VWCE: variants seen among roughly 807,000 people sequenced by gnomAD.
VWCE encodes the protein von Willebrand factor C and EGF domain-containing protein.
In VWCE, 68 loss-of-function variants were observed where a neutral mutation model predicts 102.9. That is an observed-to-expected ratio of 0.66 (90% CI 0.54 to 0.81). The LOEUF (loss-of-function observed/expected upper bound fraction) is 0.81. VWCE is among the 30% of genes least tolerant of loss of function. VWCE has a pLI of 0.00. For synonymous variants in VWCE, 497 were observed against 515.4 expected (o/e 0.96, Z 0.48); for missense variants, 1,137 against 1,263.6 (o/e 0.90, Z 1.52).
chr11:61,277,300 G>C (rs1326979005), intron 10 of VWCE, among the ~76,000 whole-genome samples: 1 of 152,000 alleles, frequency 6.6e-6, no homozygotes, highest in Admixed American at 6.6e-5. Context: ...TTTGATGCCA[G>C]AGCAAGAGAC....
At position 61,294,177 on chromosome 11, in the gene VWCE, G is replaced by A. The variant is rs909928359; in HGVS notation, c.110+751C>T. 1.1e-4 allele frequency among the ~76,000 whole-genome samples: 17 copies of A among 152,288 alleles called. No homozygotes were observed. The highest frequency in any genetic ancestry group is 4.1e-4 in the African/African-American group (17 of 41,570). On this transcript the variant is annotated intron_variant, in intron 1 of 19. Coordinates refer to ENST00000335613, the MANE Select transcript of VWCE (RefSeq NM_152718.2). The surrounding 1 kb of genome is among the most constrained non-coding windows in gnomAD (Gnocchi z 6.3). ...GGTGGTGGGAGCCTGTGGAACGCCGGGGAGTCGGGGCAGGTTCTGAGCAGG... is the reference window on the plus strand; with the variant it reads ...GGTGGTGGGAGCCTGTGGAACGCCGAGGAGTCGGGGCAGGTTCTGAGCAGG...
intron 7 of VWCE, 103 bp downstream of exon 7, chr11:61,281,683 C>T: frequency 1.6e-6 from 2 of 1,268,982 alleles, no homozygotes; most frequent in Middle Eastern, 2.9e-4. Context: ...GGCTGGGCGC[C>T]GGGAGGGCGT....
rs573625538 is a variant in VWCE, at chr11:61,286,820, G to A, written c.425-390C>T. ...CCATCTCAGGAAAAAAAAGAAGGCC[G>A]GGCGCGGTGGCTCACGCCTGTAATC... On this transcript the variant is annotated intron_variant, in intron 4 of 19. Coordinates refer to ENST00000335613, the MANE Select transcript of VWCE (RefSeq NM_152718.2). Among the ~76,000 whole-genome samples the A allele has an allele frequency of 2.3e-4, 34 of 149,100 alleles. No individual in the cohort carries two copies. The South Asian group carries it at 6.4e-3, about 28-fold the overall frequency.
At chr11:61,281,598 G>T (rs1024443164) in intron 7 of VWCE, among the ~76,000 whole-genome samples, 188 bp downstream of exon 7, 1 of 152,208 alleles carries the variant, frequency 6.6e-6, no homozygotes, top group Non-Finnish European at 1.5e-5. Flanking sequence ...CTCAAAACAA[G>T]GGCAGAGCAG....
intron 1 of VWCE, among the ~76,000 whole-genome samples, chr11:61,293,619 GA>G (rs1855582924): frequency 1.3e-5 from 2 of 152,120 alleles, no homozygotes; most frequent in South Asian, 4.1e-4. Context: ...AAAGGGACAA[GA>G]AACCCCTTCC....
In VWCE at chr11:61,286,460, A is replaced by G. The variant is rs1212325234; in HGVS notation, c.425-30T>C. On this transcript the variant is annotated intron_variant, in intron 4 of 19. Coordinates refer to ENST00000335613, the MANE Select transcript of VWCE (RefSeq NM_152718.2). ...AAAGACAGAAAGCACGTGTTTACAC[A>G]GTGGTCCTCGCAAGAGGAACTTACA... is the stretch of plus-strand genomic sequence containing the variant. The G allele has an allele frequency of 4.4e-6, 7 of 1,595,314 alleles. No homozygotes were observed. In the East Asian group the frequency reaches 1.6e-4, roughly 36 times the overall value.
chr11:61,266,279 C>A (rs1332719461), intron 16 of VWCE, among the ~76,000 whole-genome samples: 5 of 152,120 alleles, frequency 3.3e-5, no homozygotes, highest in Admixed American at 6.5e-5. Context: ...GTGGCTCATG[C>A]CTGTAATCCC....
At position 61,259,610 on chromosome 11, in the gene VWCE, GGA is replaced by G. The variant is rs1187518631; in HGVS notation, c.2231-300_2231-299del. Among the ~76,000 whole-genome samples, 5 of 152,148 alleles carry G rather than the reference GGA, an allele frequency of 3.3e-5. No homozygotes were observed. The East Asian group carries it at 9.6e-4, about 29-fold the overall frequency. On this transcript the variant is annotated intron_variant, in intron 19 of 19. Coordinates refer to ENST00000335613, the MANE Select transcript of VWCE (RefSeq NM_152718.2). The stretch of plus-strand genomic sequence containing the variant: ...ACTGAGTGTGAATGAAAGGGTGCAC[GGA>G]GAGTCTCAGCCTAAACCTCAATGTG...
chr11:61,279,318 C>A (rs1368854393), intron 9 of VWCE, among the ~76,000 whole-genome samples: 2 of 152,090 alleles, frequency 1.3e-5, no homozygotes, highest in Non-Finnish European at 2.9e-5. Context: ...GCCTGTCATC[C>A]CAACACTTTG....
chr11:61,280,924 T>G lies in VWCE; in HGVS notation c.1099A>C (p.Thr367Pro), dbSNP rs1453012134. ...TCAGGGCCCCTGGGTGAGGAAGGGG[T>G]CCCCATCACCTCCCCCTGAAGGAGT... The part of the protein sequence containing the change: ...PSLLQGEVMG[T>P]PSSPRGPESP... The change falls in exon 8 of 20, where the codon ACC (threonine) becomes CCC (proline). Residue 367 changes from threonine (T) to proline (P), a missense_variant. By Grantham distance (38) the Thr-to-Pro change is conservative. Coordinates refer to ENST00000335613, the MANE Select transcript of VWCE (RefSeq NM_152718.2). 12 of 1,526,206 alleles carry G rather than the reference T, an allele frequency of 7.9e-6. No homozygotes were observed. The highest frequency in any genetic ancestry group is 9.7e-6 in the Non-Finnish European group (11 of 1,139,370). The allele number at this position is 1,526,206 out of a possible 1,614,324, so 94.5% of individuals were successfully genotyped here. A position where few individuals can be genotyped will look rare whatever the true frequency, so the allele number is the denominator to read the frequency against.
In VWCE at chr11:61,278,490, A is replaced by T; in HGVS notation, c.1325-14T>A. 1 of 1,613,802 alleles carries T rather than the reference A, an allele frequency of 6.2e-7. No individual in the cohort carries two copies. The highest frequency in any genetic ancestry group is 8.5e-7 in the Non-Finnish European group (1 of 1,179,758). The stretch of plus-strand genomic sequence containing the variant: ...TGTGAAAACAGCCTTTGAAGGACAA[A>T]TAGGAGGTAGAGGCATCAGACCTCT... On this transcript the variant is annotated splice_polypyrimidine_tract_variant and intron_variant, in intron 9 of 19. Coordinates refer to ENST00000335613, the MANE Select transcript of VWCE (RefSeq NM_152718.2).
chr11:61,267,585 C>G (rs1365366532), intron 15 of VWCE, 41 bp from the exon 16 acceptor site: 4 of 1,595,998 alleles, frequency 2.5e-6, no homozygotes, highest in Non-Finnish European at 3.4e-6. Context: ...CTGGGAGTGG[C>G]CAGGCACCAG....
rs562484286 is a variant in VWCE at position 61,277,899 on chromosome 11, C to T, written c.1407+495G>A. On this transcript the variant is annotated intron_variant, in intron 10 of 19. Transcript: ENST00000335613. ...TGTCGCCCAGGCTGGAGAGCAGTGG[C>T]GCGATCTCAGCTCACTGCAACGTCA... is the stretch of plus-strand genomic sequence containing the variant. 1.5e-4 allele frequency among the ~76,000 whole-genome samples: 23 copies of T among 152,092 alleles called. No individual in the cohort carries two copies. In the South Asian group the frequency reaches 4.0e-3, roughly 26 times the overall value.
chr11:61,281,881 C>A lies in VWCE; in HGVS notation c.692G>T (p.Arg231Leu). Residue 231 changes from arginine to leucine, a missense_variant, in exon 7 of 20, where the codon CGA (arginine) becomes CTA (leucine). By Grantham distance (102) the Arg-to-Leu change is moderately radical. Coordinates refer to ENST00000335613, the MANE Select transcript of VWCE (RefSeq NM_152718.2). ...VNECRRPLER[R>L]VCHHSCHNTV... Reference sequence around the variant, plus strand: ...GTTGTGGCAGGAATGGTGACAGACTCGCCTCTCCAATGGCCTCCGACACTC... The same window carrying A: ...GTTGTGGCAGGAATGGTGACAGACTAGCCTCTCCAATGGCCTCCGACACTC... 1.9e-6 allele frequency: 3 copies of A among 1,613,814 alleles called. No homozygotes were observed. Among genetic ancestry groups the A allele is most frequent in the Non-Finnish European group, 2.5e-6 (3 of 1,179,860 alleles).
In VWCE at chr11:61,295,095, G is replaced by C. The variant is rs898376983; in HGVS notation, c.-58C>G. On this transcript the variant is annotated 5_prime_UTR_variant, in exon 1 of 20. Coordinates refer to ENST00000335613, the MANE Select transcript of VWCE (RefSeq NM_152718.2). This position sits in a 1 kb window ranked among gnomAD's most constrained non-coding sequence, Gnocchi z 4.6. ...CGGCTCCTGCGCCGCGCGCGGGAGAGGGGGCTGCCGGCCCTCGCCCCTCCT... is the reference window on the plus strand; with the variant it reads ...CGGCTCCTGCGCCGCGCGCGGGAGACGGGGCTGCCGGCCCTCGCCCCTCCT... 3.6e-6 allele frequency: 4 copies of C among 1,122,502 alleles called. No homozygotes were observed. The African/African-American group carries it at 4.9e-5, about 14-fold the overall frequency. 69.5% of individuals were successfully genotyped at this position (1,122,502 alleles called of 1,614,324 possible).
intron 18 of VWCE, 44 bp from the exon 19 acceptor site, chr11:61,264,621 T>G: frequency 6.4e-7 from 1 of 1,563,084 alleles, no homozygotes; most frequent in African/African-American, 1.3e-5. Flanking sequence ...CAGAGCATCT[T>G]GCCTGCCCTG....
intron 13 of VWCE, among the ~76,000 whole-genome samples, chr11:61,272,641 C>T (rs1260797202): frequency 2.0e-5 from 3 of 151,482 alleles, no homozygotes; most frequent in Non-Finnish European, 2.9e-5. Context: ...GATACACACT[C>T]GTACACAGGC....
Position 61,291,806 on chromosome 11 carries a change from C to T in VWCE, c.111-230G>A, listed in dbSNP as rs143269452. Among the ~76,000 whole-genome samples, 735 of 152,340 alleles carry T rather than the reference C, an allele frequency of 4.8e-3. 2 individuals carry two copies. Among genetic ancestry groups the T allele is most frequent in the Middle Eastern group, 0.02 (6 of 294 alleles). On this transcript the variant is annotated intron_variant, in intron 1 of 19. Transcript: ENST00000335613. The stretch of plus-strand genomic sequence containing the variant: ...ACTGGCCTCCTACAGATATCTGCCA[C>T]GTGAACACACAGCAGAGTGGCCAGG...
chr11:61,271,919 G>A (rs1192959741), intron 13 of VWCE, among the ~76,000 whole-genome samples, 159 bp from the exon 14 acceptor site: 2 of 151,818 alleles, frequency 1.3e-5, no homozygotes, highest in African/African-American at 4.8e-5. Flanking sequence ...CACTTACACA[G>A]ATACAATTCA....
Sources: gnomAD v4.1 joint callset for allele counts (sites outside exome capture counted in the v4.1 genomes callset) on GRCh38, gnomAD v4.1.1 for gene constraint, Gnocchi (gnomAD v3.1) non-coding constraint, MANE v1.5 for transcripts, NCBI Gene and HGNC (gene_info 2026-07-23, HGNC 2026-07-21) for gene names.